ZNF654: variants seen among roughly 807,000 people sequenced by gnomAD.
The protein encoded by ZNF654 is zinc finger protein 654, also known as melanoma-associated antigen.
In ZNF654, 19 loss-of-function variants were observed where a neutral mutation model predicts 95.3. The ratio of observed to expected loss-of-function variants is 0.20; its 90% CI spans 0.14 to 0.29. ZNF654 has a LOEUF of 0.29. ZNF654 is among the 10% of genes least tolerant of loss of function. The probability of loss-of-function intolerance (pLI) is 1.00; values close to 1 mark genes in which losing one functional copy is unlikely to be tolerated. For synonymous variants in ZNF654, 413 were observed against 457.9 expected (o/e 0.90, Z 1.25); for missense variants, 1,046 against 1,341.0 (o/e 0.78, Z 3.44).
intron 1 of ZNF654, among the ~76,000 whole-genome samples, chr3:88,074,821 C>T (rs1707711700): frequency 6.6e-6 from 1 of 152,156 alleles, no homozygotes; most frequent in African/African-American, 2.4e-5. Flanking sequence ...GATGGATGCA[C>T]AGAAAACAGG....
At chr3:88,069,956 A>G (rs1707414003) in intron 1 of ZNF654, among the ~76,000 whole-genome samples, 1 of 152,194 alleles carries the variant, frequency 6.6e-6, no homozygotes, top group Non-Finnish European at 1.5e-5. Context: ...CCCAAATACA[A>G]TGGATGTGTT....
At chr3:88,097,670 TAAG>T (rs1704142457) in intron 2 of ZNF654, among the ~76,000 whole-genome samples, 1 of 151,388 alleles carries the variant, frequency 6.6e-6, no homozygotes, top group Non-Finnish European at 1.5e-5. Context: ...AACTCAGGAT[TAAG>T]AAACTCACTC....
chr3:88,116,219 C>T (rs933395826), intron 3 of ZNF654, among the ~76,000 whole-genome samples: 4 of 152,130 alleles, frequency 2.6e-5, no homozygotes, highest in Non-Finnish European at 4.4e-5. Flanking sequence ...TTTATACCCA[C>T]ATTAAAAATA....
At chr3:88,126,366 A>G (rs1706096712) in intron 4 of ZNF654, 97 bp downstream of exon 4, 2 of 1,181,922 alleles carry the variant, frequency 1.7e-6, no homozygotes, top group South Asian at 3.0e-5. Context: ...TCTTCATTTT[A>G]TAATACTGAA....
intron 1 of ZNF654, among the ~76,000 whole-genome samples, chr3:88,065,397 A>G (rs1220068987): frequency 1.3e-5 from 2 of 152,140 alleles, no homozygotes; most frequent in Non-Finnish European, 2.9e-5. Flanking sequence ...CTAAATGACT[A>G]TTATTAGGGG....
chr3:88,072,784 C>T (rs1426772025), intron 1 of ZNF654, among the ~76,000 whole-genome samples: 1 of 152,064 alleles, frequency 6.6e-6, no homozygotes, highest in Non-Finnish European at 1.5e-5. Flanking sequence ...GAACTTGGTA[C>T]ACAGTAGGCA....
At chr3:88,103,640 G>T (rs892053030) in intron 2 of ZNF654, among the ~76,000 whole-genome samples, 5 of 150,642 alleles carry the variant, frequency 3.3e-5, no homozygotes, top group Non-Finnish European at 5.9e-5. Flanking sequence ...AGTAACAAGA[G>T]AAAAAAAGAC....
At chr3:88,106,969 TTGTC>T (rs983302007) in intron 2 of ZNF654, among the ~76,000 whole-genome samples, 2 of 152,162 alleles carry the variant, frequency 1.3e-5, no homozygotes. Flanking sequence ...ATTAGCCTAT[TTGTC>T]TGTTCGTGTG....
chr3:88,067,131 A>G (rs917373380), intron 1 of ZNF654, among the ~76,000 whole-genome samples: 9 of 152,232 alleles, frequency 5.9e-5, no homozygotes, highest in African/African-American at 1.9e-4. Flanking sequence ...TGTCAATTAT[A>G]TAAGGCACTG....
chr3:88,066,978 A>T (rs1289325764), intron 1 of ZNF654, among the ~76,000 whole-genome samples: 1 of 152,076 alleles, frequency 6.6e-6, no homozygotes, highest in Non-Finnish European at 1.5e-5. Flanking sequence ...ATTTGGGAGG[A>T]GGTTGAATTG....
At chr3:88,062,714 T>C (rs1576175719) in intron 1 of ZNF654, among the ~76,000 whole-genome samples, 2 of 152,342 alleles carry the variant, frequency 1.3e-5, no homozygotes, top group East Asian at 3.9e-4. Flanking sequence ...CACTTTGATA[T>C]GTTGATTGAA....
At chr3:88,088,746 ATG>A (rs1422821259) in intron 2 of ZNF654, among the ~76,000 whole-genome samples, 1,170 of 80,954 alleles carry the variant, frequency 0.014, 22 homozygotes, top group African/African-American at 0.043. Flanking sequence ...ACCTTTATTT[ATG>A]TATGTATGTA....
At chr3:88,088,547 G>A (rs375804611) in intron 2 of ZNF654, among the ~76,000 whole-genome samples, 7 of 152,090 alleles carry the variant, frequency 4.6e-5, no homozygotes, top group African/African-American at 1.7e-4. Context: ...AAGTTCTGTA[G>A]GAAGGTTGGA....
intron 2 of ZNF654, among the ~76,000 whole-genome samples, chr3:88,088,601 A>G (rs1215922787): frequency 2.0e-5 from 3 of 152,226 alleles, no homozygotes; most frequent in Admixed American, 2.0e-4. Flanking sequence ...AAACAAAACC[A>G]AAGAGAAATT....
intron 1 of ZNF654, among the ~76,000 whole-genome samples, chr3:88,078,463 A>G (rs1468606731): frequency 6.6e-6 from 1 of 152,150 alleles, no homozygotes; most frequent in East Asian, 1.9e-4. Flanking sequence ...TGGGACAGGA[A>G]GCACTTTAAG....
intron 2 of ZNF654, among the ~76,000 whole-genome samples, chr3:88,103,863 G>T (rs4407422): frequency 0.78 from 117,890 of 150,264 alleles, 47,143 homozygotes; most frequent in South Asian, 0.91. Context: ...GCCTCTCGGG[G>T]TCAAGCGATT....
chr3:88,080,812 A>G (rs1708038042), intron 1 of ZNF654, among the ~76,000 whole-genome samples: 1 of 152,230 alleles, frequency 6.6e-6, no homozygotes. Context: ...AGGTTGGAAC[A>G]GACAGATTTG....
In ZNF654 at chr3:88,061,749, C is replaced by A. The variant is rs552346318; in HGVS notation, c.186+2244C>A. 3.3e-5 allele frequency among the ~76,000 whole-genome samples: 5 copies of A among 152,148 alleles called. No homozygotes were observed. The South Asian group carries it at 1.0e-3, about 32-fold the overall frequency. ...TAATCTAATTCCTAGTCGAAGATTTCTTTTTAAAAATTTGGTTTTCTGACA... is the reference window on the plus strand; with the variant it reads ...TAATCTAATTCCTAGTCGAAGATTTATTTTTAAAAATTTGGTTTTCTGACA... On this transcript the variant is annotated intron_variant, in intron 1 of 8. Transcript: ENST00000636215.
intron 4 of ZNF654, 75 bp downstream of exon 4, chr3:88,126,344 A>G: frequency 7.8e-7 from 1 of 1,283,478 alleles, no homozygotes; most frequent in Non-Finnish European, 9.9e-7. Flanking sequence ...CTAGAGCAGT[A>G]ATAGTAATTT....
Sources: gnomAD v4.1 joint callset for allele counts (sites outside exome capture counted in the v4.1 genomes callset) on GRCh38, gnomAD v4.1.1 for gene constraint, MANE v1.5 for transcripts, NCBI Gene and HGNC (gene_info 2026-07-23, HGNC 2026-07-21) for gene names.